The following WWOX variants were observed in gnomAD, a reference collection of about 807,000 sequenced individuals.
WWOX encodes WW domain containing oxidoreductase.
In WWOX, 69 loss-of-function variants were observed where a neutral mutation model predicts 46.2. That is an observed-to-expected ratio of 1.49 (90% confidence interval 1.23 to 1.82). The LOEUF (loss-of-function observed/expected upper bound fraction) is 1.82. WWOX is among the 40% of genes most tolerant of loss of function. The pLI is 0.00. For synonymous variants in WWOX, 359 were observed against 202.6 expected (o/e 1.77, Z -6.56); for missense variants, 919 against 542.6 (o/e 1.69, Z -6.89).
intron 5 of WWOX, among the ~76,000 whole-genome samples, chr16:78,317,848 AC>A (rs1436180326): frequency 6.6e-6 from 1 of 152,158 alleles, no homozygotes; most frequent in Non-Finnish European, 1.5e-5. Flanking sequence ...CAGTGAGACT[AC>A]TATCATTCAT....
chr16:78,219,947 A>G (rs1050432981), intron 5 of WWOX, among the ~76,000 whole-genome samples: 1 of 152,214 alleles, frequency 6.6e-6, no homozygotes, highest in Non-Finnish European at 1.5e-5. Context: ...TTTGAACTAT[A>G]TATATCACAA....
At chr16:79,150,741 A>T (rs1342713377) in intron 8 of WWOX, among the ~76,000 whole-genome samples, 1 of 152,164 alleles carries the variant, frequency 6.6e-6, no homozygotes, top group East Asian at 1.9e-4. Flanking sequence ...TCCTGGACTC[A>T]AGTGACTTTA....
At position 78,368,871 on chromosome 16, in the gene WWOX, G is replaced by A. The variant is rs568645328; in HGVS notation, c.517-17989G>A. On this transcript the variant is annotated intron_variant, in intron 5 of 8. Coordinates refer to ENST00000566780, the MANE Select transcript of WWOX (RefSeq NM_016373.4). ...CGGTGCCCAAACCAGCAGGCTGCAC[G>A]TGTGCACTGACAGAATGGTACATCC... Among the ~76,000 whole-genome samples, 92 of 152,312 alleles carry A rather than the reference G, an allele frequency of 6.0e-4. 1 individual carries two copies. The South Asian group carries it at 0.016, about 26-fold the overall frequency.
At chr16:78,198,448 C>T (rs757056615) in intron 5 of WWOX, among the ~76,000 whole-genome samples, 3 of 152,152 alleles carry the variant, frequency 2.0e-5, no homozygotes, top group South Asian at 4.1e-4. Flanking sequence ...CCCTTCACAC[C>T]CTCCACTCTG....
chr16:78,793,764 G>A (rs1387837999), intron 8 of WWOX, among the ~76,000 whole-genome samples: 2 of 152,046 alleles, frequency 1.3e-5, no homozygotes, highest in African/African-American at 2.4e-5. Context: ...GTTTGAAGAG[G>A]AATCCAGGTT....
intron 6 of WWOX, among the ~76,000 whole-genome samples, chr16:78,416,462 T>C (rs188899126): frequency 1.4e-4 from 22 of 152,332 alleles, no homozygotes; most frequent in Non-Finnish European, 2.5e-4. Context: ...GGATACATAT[T>C]TTGCCTCTGG....
At chr16:78,437,842 T>C (rs1328558632) in intron 8 of WWOX, among the ~76,000 whole-genome samples, 1 of 152,256 alleles carries the variant, frequency 6.6e-6, no homozygotes, top group African/African-American at 2.4e-5. Context: ...TTCTTGACTC[T>C]AGAGCATTCT....
intron 8 of WWOX, among the ~76,000 whole-genome samples, chr16:78,935,587 C>T (rs1462346376): frequency 6.8e-6 from 1 of 146,206 alleles, no homozygotes; most frequent in Admixed American, 7.0e-5. Context: ...AGGGGAACAT[C>T]ACACACCGGG....
chr16:78,711,409 G>A (rs1255442782), intron 8 of WWOX, among the ~76,000 whole-genome samples: 1 of 152,198 alleles, frequency 6.6e-6, no homozygotes, highest in Non-Finnish European at 1.5e-5. Context: ...GAGGGAACTT[G>A]AAGACTAGGT....
chr16:78,922,035 C>T (rs1376356210), intron 8 of WWOX, among the ~76,000 whole-genome samples: 1 of 152,192 alleles, frequency 6.6e-6, no homozygotes, highest in African/African-American at 2.4e-5. Context: ...GAATACTTTT[C>T]TACTATCTAT....
intron 5 of WWOX, among the ~76,000 whole-genome samples, chr16:78,198,727 C>T (rs955294425): frequency 2.0e-5 from 3 of 152,140 alleles, no homozygotes; most frequent in African/African-American, 7.2e-5. Context: ...TCACCTTCCT[C>T]CCATTATGTT....
intron 8 of WWOX, among the ~76,000 whole-genome samples, chr16:78,829,049 C>A (rs537240448): frequency 1.3e-5 from 2 of 152,054 alleles, no homozygotes; most frequent in Non-Finnish European, 2.9e-5. Flanking sequence ...TTCTAAACAT[C>A]ATAAGCAGAA....
chr16:78,558,722 C>T (rs1379919669), intron 8 of WWOX, among the ~76,000 whole-genome samples: 2 of 152,232 alleles, frequency 1.3e-5, no homozygotes, highest in African/African-American at 2.4e-5. Flanking sequence ...GTCACTTCTC[C>T]CCAGTCTTGG....
chr16:78,805,566 A>G (rs1245755951), intron 8 of WWOX, among the ~76,000 whole-genome samples: 1 of 141,820 alleles, frequency 7.1e-6, no homozygotes, highest in Non-Finnish European at 1.5e-5. Context: ...TACAGGCGTG[A>G]GCTGACGCTC....
chr16:79,183,818 T>C (rs2050959980), intron 8 of WWOX, among the ~76,000 whole-genome samples: 1 of 152,228 alleles, frequency 6.6e-6, no homozygotes, highest in African/African-American at 2.4e-5. Flanking sequence ...CCAAAGGTTC[T>C]GTGCCTCCCA....
intron 8 of WWOX, chr16:78,898,137 C>T (rs774383848): frequency 6.6e-6 from 1 of 151,920 alleles, no homozygotes; most frequent in African/African-American, 2.4e-5. Context: ...TTTTGAAAAG[C>T]AGAAGTTATA....
At chr16:78,336,395 A>G (rs902301677) in intron 5 of WWOX, among the ~76,000 whole-genome samples, 10 of 147,502 alleles carry the variant, frequency 6.8e-5, no homozygotes, top group South Asian at 2.2e-4. Flanking sequence ...AGTCCCAGCT[A>G]TTTGGGAGGC....
intron 8 of WWOX, among the ~76,000 whole-genome samples, chr16:79,003,003 T>G (rs79892740): frequency 1.3e-5 from 2 of 152,178 alleles, no homozygotes; most frequent in Non-Finnish European, 2.9e-5. Context: ...TCCTGGTGAA[T>G]GCACCCAGCT....
intron 8 of WWOX, among the ~76,000 whole-genome samples, chr16:79,115,036 C>G (rs868657423): frequency 1.3e-4 from 20 of 152,218 alleles, no homozygotes; most frequent in Admixed American, 8.5e-4. Context: ...AGTGCAAGTT[C>G]CTGCCTGCTC....
Sources: allele counts gnomAD v4.1 joint callset (sites outside exome capture counted in the v4.1 genomes callset), GRCh38; gene constraint gnomAD v4.1.1; transcripts MANE v1.5; gene names NCBI Gene and HGNC (gene_info 2026-07-23, HGNC 2026-07-21).